SAMD3: variants seen among roughly 807,000 people sequenced by gnomAD.
SAMD3 encodes the protein sterile alpha motif domain-containing protein 3.
A neutral mutation model predicts 58.5 loss-of-function variants in SAMD3; 63 were observed. The ratio of observed to expected loss-of-function variants is 1.08; its 90% CI spans 0.88 to 1.33. The LOEUF (loss-of-function observed/expected upper bound fraction) is 1.33, where lower values mean the gene tolerates loss of function less well. Among genes scored for constraint, SAMD3 ranks in the 40% most tolerant of loss-of-function variants. The pLI, the probability that SAMD3 is intolerant of heterozygous loss-of-function variation, is 0.00. For synonymous variants in SAMD3, 220 were observed against 210.3 expected (o/e 1.05, Z -0.40); for missense variants, 604 against 608.4 (o/e 0.99, Z 0.08).
chr6:130,317,793 A>C (rs1232273394), intron 1 of SAMD3, among the ~76,000 whole-genome samples: 1 of 152,214 alleles, frequency 6.6e-6, no homozygotes. Flanking sequence ...TGCTGGAGAG[A>C]TGAGAAATAA....
intron 2 of SAMD3, among the ~76,000 whole-genome samples, chr6:130,299,092 G>T (rs1360508157): frequency 6.6e-6 from 1 of 151,978 alleles, no homozygotes; most frequent in African/African-American, 2.4e-5. Context: ...GACTTAAATT[G>T]GACTCTTGAC....
chr6:130,204,901 A>G (rs1342331478), intron 5 of SAMD3, among the ~76,000 whole-genome samples: 1 of 151,498 alleles, frequency 6.6e-6, no homozygotes, highest in Non-Finnish European at 1.5e-5. Context: ...AGGTGCTTTG[A>G]TATGTTCTAT....
intron 9 of SAMD3, among the ~76,000 whole-genome samples, chr6:130,148,963 A>G (rs1196922439): frequency 1.3e-5 from 2 of 152,230 alleles, no homozygotes. Context: ...GAAATCTAGG[A>G]AATGTTTGAA....
intron 2 of SAMD3, among the ~76,000 whole-genome samples, chr6:130,293,473 G>A (rs11154566): frequency 0.34 from 51,764 of 150,876 alleles, 9,170 homozygotes; most frequent in East Asian, 0.44. Flanking sequence ...TCGAAATAAT[G>A]TTATTATCTA....
intron 2 of SAMD3, among the ~76,000 whole-genome samples, chr6:130,273,675 T>C (rs1430035543): frequency 3.3e-5 from 5 of 152,186 alleles, no homozygotes; most frequent in African/African-American, 9.6e-5. Context: ...TATTTTTGTG[T>C]GTGGTTACCA....
exon 1 of SAMD3, chr6:130,365,366 C>T (rs777553120): frequency 9.5e-5 from 94 of 985,444 alleles, no homozygotes; most frequent in Non-Finnish European, 1.1e-4. Flanking sequence ...AGCCGTTCTC[C>T]GGAACCCCTT....
intron 5 of SAMD3, among the ~76,000 whole-genome samples, chr6:130,188,822 G>A (rs537138210): frequency 1.7e-4 from 26 of 152,062 alleles, no homozygotes; most frequent in Non-Finnish European, 3.4e-4. Flanking sequence ...CAATCTCTCT[G>A]ACAACTTGTT....
intron 2 of SAMD3, among the ~76,000 whole-genome samples, chr6:130,301,720 A>G (rs1775755061): frequency 1.3e-5 from 2 of 152,082 alleles, no homozygotes; most frequent in Admixed American, 1.3e-4. Context: ...GCATTGTAAT[A>G]GTGAAAAACA....
chr6:130,307,849 G>T (rs994257638), intron 2 of SAMD3, among the ~76,000 whole-genome samples: 1 of 152,148 alleles, frequency 6.6e-6, no homozygotes, highest in Non-Finnish European at 1.5e-5. Flanking sequence ...TAGAATTTGA[G>T]ACAGTTGTTT....
intron 4 of SAMD3, among the ~76,000 whole-genome samples, chr6:130,211,136 C>T (rs1209088580): frequency 6.6e-6 from 1 of 151,950 alleles, no homozygotes; most frequent in Non-Finnish European, 1.5e-5. Flanking sequence ...AAAAGAGAAA[C>T]ATTTATGATC....
chr6:130,161,653 T>C (rs2114614962), intron 8 of SAMD3: 1 of 152,338 alleles, frequency 6.6e-6, no homozygotes, highest in East Asian at 1.9e-4. Flanking sequence ...ATGATTTATA[T>C]ATTATTAAAG....
chr6:130,163,419 G>T (rs1582760711), intron 8 of SAMD3, among the ~76,000 whole-genome samples: 1 of 152,136 alleles, frequency 6.6e-6, no homozygotes, highest in Non-Finnish European at 1.5e-5. Context: ...GTGTTGACTT[G>T]GAAATGATGT....
intron 1 of SAMD3, among the ~76,000 whole-genome samples, chr6:130,316,714 G>A (rs1001436300): frequency 7.2e-5 from 11 of 152,108 alleles, no homozygotes; most frequent in African/African-American, 2.7e-4. Flanking sequence ...AAGATATGTT[G>A]GTGGCCTTAG....
Position 130,267,434 on chromosome 6 carries a change from A to G in SAMD3, c.-187-44621T>C, listed in dbSNP as rs60393969. 8.2e-3 allele frequency among the ~76,000 whole-genome samples: 1,243 copies of G among 152,314 alleles called. 18 individuals are homozygous for G. The highest frequency in any genetic ancestry group is 0.029 in the African/African-American group (1,187 of 41,558). On this transcript the variant is annotated intron_variant, in intron 2 of 13. Transcript: ENST00000368134. ...AATCATTATCAATCTATTGCACAGG[A>G]AGACGTAAGTAGTGAAAATAAGAGT...
chr6:130,191,389 T>C (rs551040180), intron 5 of SAMD3, among the ~76,000 whole-genome samples: 12 of 152,296 alleles, frequency 7.9e-5, no homozygotes, highest in African/African-American at 2.4e-4. Context: ...AAAATAACTA[T>C]GATTTGTTGA....
intron 8 of SAMD3, among the ~76,000 whole-genome samples, chr6:130,168,412 G>T: frequency 6.6e-6 from 1 of 152,066 alleles, no homozygotes; most frequent in Non-Finnish European, 1.5e-5. Context: ...TCCAGCCTGG[G>T]CGACGAGTGA....
intron 1 of SAMD3, among the ~76,000 whole-genome samples, chr6:130,343,639 G>C (rs970918776): frequency 6.6e-6 from 1 of 152,070 alleles, no homozygotes. Flanking sequence ...AATGGCAGGA[G>C]AAAAGGTATC....
intron 2 of SAMD3, among the ~76,000 whole-genome samples, chr6:130,292,263 CTTTCTTTCTTTTTT>C (rs1775389433): frequency 7.9e-6 from 1 of 125,824 alleles, no homozygotes; most frequent in African/African-American, 3.1e-5. Flanking sequence ...CTTTTTTTTT[CTTTCTTTCTTTTTT>C]TTTTTTTTTT....
chr6:130,228,297 T>A (rs940952551), intron 2 of SAMD3, among the ~76,000 whole-genome samples: 1 of 152,226 alleles, frequency 6.6e-6, no homozygotes, highest in Non-Finnish European at 1.5e-5. Context: ...TCCTTCCAGG[T>A]GTCCAGAGGC....
Sources: gnomAD v4.1 joint callset for allele counts (sites outside exome capture counted in the v4.1 genomes callset) on GRCh38, gnomAD v4.1.1 for gene constraint, MANE v1.5 for transcripts, NCBI Gene and HGNC (gene_info 2026-07-23, HGNC 2026-07-21) for gene names.